KLHL29: variants seen among roughly 807,000 people sequenced by gnomAD.
KLHL29 encodes kelch-like protein 29.
KLHL29 carries 21 observed loss-of-function variants against 80.4 expected under a neutral mutation model. That is an observed-to-expected ratio of 0.26 (90% CI 0.19 to 0.38). The LOEUF is 0.38. Among genes scored for constraint, KLHL29 ranks in the 10% least tolerant of loss-of-function variants. KLHL29 has a pLI of 1.00. For missense variants in KLHL29, 867 were observed against 1,223.9 expected (o/e 0.71, Z 4.35); for synonymous variants, 511 against 526.8 (o/e 0.97, Z 0.41).
chr2:23,446,855 A>ATAAG (rs1663708545), intron 1 of KLHL29, among the ~76,000 whole-genome samples: 1 of 152,234 alleles, frequency 6.6e-6, no homozygotes, highest in Non-Finnish European at 1.5e-5. Context: ...AGGGAATCAC[A>ATAAG]TAAGACTGAT....
chr2:23,562,182 C>T lies in KLHL29; in HGVS notation c.-15C>T. 3 of 1,544,106 alleles carry T rather than the reference C, an allele frequency of 1.9e-6. No individual in the cohort carries two copies. The highest frequency in any genetic ancestry group is 2.6e-6 in the Non-Finnish European group (3 of 1,144,788). ...GGCTCTGTTTCCCTGTGAGAAGCCG[C>T]CTCGGCCCACCGAGATGTCCCGGCA... On this transcript the variant is annotated 5_prime_UTR_variant, in exon 3 of 14. Transcript: ENST00000486442. This position sits in a 1 kb window ranked among gnomAD's most constrained non-coding sequence, Gnocchi z 4.5.
At chr2:23,479,270 C>T (rs1458703360) in intron 2 of KLHL29, among the ~76,000 whole-genome samples, 1 of 151,654 alleles carries the variant, frequency 6.6e-6, no homozygotes, top group African/African-American at 2.4e-5. Flanking sequence ...GATCCCTCAA[C>T]AGAACCTCAG....
intron 1 of KLHL29, among the ~76,000 whole-genome samples, chr2:23,454,225 C>G (rs1247608858): frequency 1.3e-5 from 2 of 151,662 alleles, no homozygotes; most frequent in Non-Finnish European, 2.9e-5. Flanking sequence ...GGGCCCCTGA[C>G]CCTCCCGCCC....
intron 2 of KLHL29, among the ~76,000 whole-genome samples, chr2:23,498,020 A>G (rs944153395): frequency 6.9e-6 from 1 of 143,918 alleles, no homozygotes; most frequent in Admixed American, 6.7e-5. Context: ...AAACTTATAG[A>G]TAGTGAAATG....
At chr2:23,448,963 A>T (rs980359721) in intron 1 of KLHL29, among the ~76,000 whole-genome samples, 4 of 152,288 alleles carry the variant, frequency 2.6e-5, no homozygotes, top group Non-Finnish European at 4.4e-5. Flanking sequence ...GGCATACAGC[A>T]AGGCACATGG....
At chr2:23,500,957 CT>C (rs1665419504) in intron 2 of KLHL29, among the ~76,000 whole-genome samples, 1 of 152,150 alleles carries the variant, frequency 6.6e-6, no homozygotes, top group African/African-American at 2.4e-5. Flanking sequence ...GAAATCGCAT[CT>C]GTTTGTCTGC....
intron 1 of KLHL29, among the ~76,000 whole-genome samples, chr2:23,431,787 G>A (rs915325136): frequency 2.6e-5 from 4 of 151,390 alleles, no homozygotes; most frequent in Non-Finnish European, 5.9e-5. Context: ...CCAGCTACTC[G>A]GGAGGCTGAG....
intron 11 of KLHL29, among the ~76,000 whole-genome samples, chr2:23,702,165 T>C (rs1004858076): frequency 6.6e-6 from 1 of 152,052 alleles, no homozygotes; most frequent in Non-Finnish European, 1.5e-5. Context: ...AGCCATTCCA[T>C]ACTATGGGAG....
At chr2:23,670,836 T>C (rs1010954532) in intron 5 of KLHL29, among the ~76,000 whole-genome samples, 1 of 151,148 alleles carries the variant, frequency 6.6e-6, no homozygotes, top group Admixed American at 6.6e-5. Flanking sequence ...CAGACCTGGT[T>C]CTTCCAGGGT....
At chr2:23,605,900 G>A (rs1668709306) in intron 3 of KLHL29, among the ~76,000 whole-genome samples, 1 of 151,984 alleles carries the variant, frequency 6.6e-6, no homozygotes, top group African/African-American at 2.4e-5. Flanking sequence ...CTCCCAAGTA[G>A]CTGGGATTTT....
At chr2:23,584,646 G>T (rs529863925) in intron 3 of KLHL29, among the ~76,000 whole-genome samples, 24 of 152,374 alleles carry the variant, frequency 1.6e-4, no homozygotes, top group African/African-American at 5.3e-4. Flanking sequence ...GGCTGGGGCG[G>T]AGGGGGGCGG....
chr2:23,631,642 G>T (rs1453459762), intron 3 of KLHL29, among the ~76,000 whole-genome samples: 5 of 152,192 alleles, frequency 3.3e-5, no homozygotes. Flanking sequence ...CCCGCGTAGG[G>T]ATTTAACTGC....
intron 1 of KLHL29, among the ~76,000 whole-genome samples, chr2:23,425,421 C>T (rs1246779056): frequency 6.6e-6 from 1 of 152,170 alleles, no homozygotes; most frequent in Non-Finnish European, 1.5e-5. Flanking sequence ...CCTTGGGCGC[C>T]AGCAAATACC....
At chr2:23,512,757 G>A (rs1468222494) in intron 2 of KLHL29, among the ~76,000 whole-genome samples, 1 of 152,244 alleles carries the variant, frequency 6.6e-6, no homozygotes, top group Non-Finnish European at 1.5e-5. Flanking sequence ...CTCCCAGACT[G>A]AAATGAAGCA....
At chr2:23,492,529 A>G (rs1215230170) in intron 2 of KLHL29, among the ~76,000 whole-genome samples, 2 of 152,240 alleles carry the variant, frequency 1.3e-5, no homozygotes, top group East Asian at 3.9e-4. Context: ...GCTGGCAGCA[A>G]CACAGGCCTG....
At chr2:23,458,013 A>C (rs923794267) in intron 1 of KLHL29, among the ~76,000 whole-genome samples, 2 of 152,166 alleles carry the variant, frequency 1.3e-5, no homozygotes, top group Non-Finnish European at 2.9e-5. Flanking sequence ...ACTCTGTCTC[A>C]AAAAATAAAA....
chr2:23,544,837 ACAGAGGGG>A (rs923330426), intron 2 of KLHL29, among the ~76,000 whole-genome samples: 2 of 152,178 alleles, frequency 1.3e-5, no homozygotes, highest in African/African-American at 4.8e-5. Context: ...GCATGTTGGA[ACAGAGGGG>A]CAGGGGGAGA....
chr2:23,604,004 T>C (rs191549262), intron 3 of KLHL29, among the ~76,000 whole-genome samples: 1 of 152,330 alleles, frequency 6.6e-6, no homozygotes, highest in Non-Finnish European at 1.5e-5. Context: ...GGGTACTGGG[T>C]GCACAGTTCT....
At chr2:23,620,405 T>C (rs1669142205) in intron 3 of KLHL29, among the ~76,000 whole-genome samples, 1 of 152,010 alleles carries the variant, frequency 6.6e-6, no homozygotes, top group Non-Finnish European at 1.5e-5. Context: ...TCCTTGGAGG[T>C]CAGGAGAAGG....
Sources: allele counts gnomAD v4.1 joint callset (sites outside exome capture counted in the v4.1 genomes callset), GRCh38; gene constraint gnomAD v4.1.1; non-coding constraint Gnocchi (gnomAD v3.1); transcripts MANE v1.5; gene names NCBI Gene and HGNC (gene_info 2026-07-23, HGNC 2026-07-21).